RBMS3: variants seen among roughly 807,000 people sequenced by gnomAD.
The protein encoded by RBMS3 is RNA-binding motif, single-stranded-interacting protein 3.
RBMS3 carries 27 observed loss-of-function variants against 66.8 expected under a neutral mutation model. That is an observed-to-expected ratio of 0.40 (90% CI 0.30 to 0.56). RBMS3 has a LOEUF of 0.56. Among genes scored for constraint, RBMS3 ranks in the 20% least tolerant of loss-of-function variants. The pLI is 0.40. For missense variants in RBMS3, 513 were observed against 549.5 expected, an observed-to-expected ratio of 0.93 and a Z score of 0.66; for synonymous variants, 188 against 183.0, an observed-to-expected ratio of 1.03 and a Z score of -0.22.
chr3:29,635,114 C>T (rs2049427270), intron 4 of RBMS3, among the ~76,000 whole-genome samples: 1 of 151,874 alleles, frequency 6.6e-6, no homozygotes, highest in Non-Finnish European at 1.5e-5. Flanking sequence ...CATTCACTAC[C>T]TTAGTAATGC....
At chr3:29,938,261 G>C (rs2061314448) in intron 11 of RBMS3, among the ~76,000 whole-genome samples, 1 of 151,882 alleles carries the variant, frequency 6.6e-6, no homozygotes, top group African/African-American at 2.4e-5. Flanking sequence ...ATTTGTAAGG[G>C]ACCATGACTT....
chr3:29,954,671 C>T (rs903340211), intron 12 of RBMS3, among the ~76,000 whole-genome samples: 3 of 151,992 alleles, frequency 2.0e-5, no homozygotes, highest in African/African-American at 4.8e-5. Flanking sequence ...ATGCCACATG[C>T]AATCTTCCTT....
intron 3 of RBMS3, among the ~76,000 whole-genome samples, chr3:29,575,805 A>G (rs1271938181): frequency 6.6e-6 from 1 of 151,944 alleles, no homozygotes; most frequent in Non-Finnish European, 1.5e-5. Context: ...ATTCTTCAGT[A>G]TGTCATTTGC....
chr3:29,318,969 G>GAGCATTGAGAC (rs1455965669), intron 1 of RBMS3, among the ~76,000 whole-genome samples: 1 of 151,918 alleles, frequency 6.6e-6, no homozygotes, highest in Non-Finnish European at 1.5e-5. Context: ...TTCAGTTAGA[G>GAGCATTGAGAC]AGCATTGAGA....
At chr3:29,929,357 G>A (rs1305305809) in intron 10 of RBMS3, among the ~76,000 whole-genome samples, 1 of 152,136 alleles carries the variant, frequency 6.6e-6, no homozygotes, top group Non-Finnish European at 1.5e-5. Flanking sequence ...TTAAAATAAA[G>A]CATTATTGAG....
chr3:29,825,642 C>T (rs752390893), intron 6 of RBMS3, among the ~76,000 whole-genome samples: 2 of 152,168 alleles, frequency 1.3e-5, no homozygotes, highest in African/African-American at 4.8e-5. Context: ...TTGTGAGAGA[C>T]TTCCCCAGCC....
At chr3:29,382,924 C>G (rs2125627060) in intron 1 of RBMS3, among the ~76,000 whole-genome samples, 1 of 152,254 alleles carries the variant, frequency 6.6e-6, no homozygotes, top group Non-Finnish European at 1.5e-5. Context: ...TACTCATAGG[C>G]TCATCTGTAT....
At chr3:29,284,281 G>A (rs147582187) in intron 1 of RBMS3, among the ~76,000 whole-genome samples, 1 of 152,126 alleles carries the variant, frequency 6.6e-6, no homozygotes, top group Non-Finnish European at 1.5e-5. Flanking sequence ...TCGTATTCTG[G>A]TGATAACATA....
At chr3:29,572,112 G>A (rs544722906) in intron 3 of RBMS3, among the ~76,000 whole-genome samples, 14 of 151,816 alleles carry the variant, frequency 9.2e-5, no homozygotes, top group African/African-American at 1.9e-4. Context: ...ACTAATTTTC[G>A]TATGTTGATC....
At chr3:29,321,686 G>A (rs1163227559) in intron 1 of RBMS3, among the ~76,000 whole-genome samples, 1 of 152,058 alleles carries the variant, frequency 6.6e-6, no homozygotes, top group Non-Finnish European at 1.5e-5. Flanking sequence ...TATACTTCTT[G>A]CATTTTAACA....
At chr3:29,868,286 T>C (rs7629442) in intron 6 of RBMS3, among the ~76,000 whole-genome samples, 7 of 152,180 alleles carry the variant, frequency 4.6e-5, no homozygotes, top group African/African-American at 1.7e-4. Flanking sequence ...ATTATAATAA[T>C]TGTTCTCCCT....
intron 3 of RBMS3, among the ~76,000 whole-genome samples, chr3:29,565,121 T>C (rs552302079): frequency 6.6e-6 from 1 of 152,144 alleles, no homozygotes; most frequent in Non-Finnish European, 1.5e-5. Flanking sequence ...TAAACTGATA[T>C]AAAATGAAGA....
intron 6 of RBMS3, among the ~76,000 whole-genome samples, chr3:29,861,682 T>G (rs2059220787): frequency 6.6e-6 from 1 of 152,238 alleles, no homozygotes; most frequent in Non-Finnish European, 1.5e-5. Context: ...TCTTTGTCAT[T>G]GTTTTGTTTG....
At chr3:29,715,191 T>C (rs1457751443) in intron 4 of RBMS3, among the ~76,000 whole-genome samples, 3 of 152,140 alleles carry the variant, frequency 2.0e-5, no homozygotes, top group Non-Finnish European at 4.4e-5. Context: ...TTTATTTCTT[T>C]AATGAACTAA....
chr3:29,281,516 GT>G lies in RBMS3; in HGVS notation c.-160del. The G allele has an allele frequency of 4.0e-6, 2 of 502,314 alleles. No individual in the cohort carries two copies. Among genetic ancestry groups the G allele is most frequent in the Non-Finnish European group, 7.0e-6 (2 of 283,858 alleles). 31.1% of individuals were successfully genotyped at this position (502,314 alleles called of 1,614,324 possible). On this transcript the variant is annotated 5_prime_UTR_variant, in exon 1 of 15. Coordinates refer to ENST00000383767, the MANE Select transcript of RBMS3 (RefSeq NM_001003793.3). ...TGGTGTGTGTTTTTTGTTTTGTTTT[GT>G]TTTTTAAAAAAATTCTTGCTGTGTT...
In RBMS3 at chr3:29,671,497, G is replaced by A. The variant is rs139711887; in HGVS notation, c.400-68223G>A. The stretch of plus-strand genomic sequence containing the variant: ...AACAAACTTCTCCAATCTAAAGCAG[G>A]ATGTTCGAACCCATCGCAAAGAAGC... On this transcript the variant is annotated intron_variant, in intron 4 of 14. Coordinates refer to ENST00000383767, the MANE Select transcript of RBMS3 (RefSeq NM_001003793.3). Among the ~76,000 whole-genome samples, 483 of 152,276 alleles carry A rather than the reference G, an allele frequency of 3.2e-3. 3 individuals carry two copies. Among genetic ancestry groups the A allele is most frequent in the African/African-American group, 0.011 (464 of 41,544 alleles).
At chr3:29,313,763 C>A (rs2034516389) in intron 1 of RBMS3, among the ~76,000 whole-genome samples, 1 of 151,698 alleles carries the variant, frequency 6.6e-6, no homozygotes, top group Non-Finnish European at 1.5e-5. Flanking sequence ...CCATGTGTGC[C>A]AAACAGGTGA....
intron 10 of RBMS3, among the ~76,000 whole-genome samples, chr3:29,919,401 C>T (rs910290649): frequency 2.6e-5 from 4 of 152,136 alleles, no homozygotes; most frequent in African/African-American, 4.8e-5. Flanking sequence ...ATTAAGCTTT[C>T]CTGGAGGAGA....
intron 14 of RBMS3, chr3:29,991,685 T>G (rs1474444533): frequency 6.6e-6 from 1 of 152,498 alleles, no homozygotes; most frequent in African/African-American, 2.4e-5. Context: ...AAGCTTGATA[T>G]AGAGAGAGGC....
Sources: gnomAD v4.1 joint callset for allele counts (sites outside exome capture counted in the v4.1 genomes callset) on GRCh38, gnomAD v4.1.1 for gene constraint, MANE v1.5 for transcripts, NCBI Gene and HGNC (gene_info 2026-07-23, HGNC 2026-07-21) for gene names.